SLC8B1: variants seen among roughly 807,000 people sequenced by gnomAD.
The protein encoded by SLC8B1 is mitochondrial sodium/calcium exchanger protein.
In SLC8B1, 52 loss-of-function variants were observed where a neutral mutation model predicts 63.4. The ratio of observed to expected loss-of-function variants is 0.82; its 90% confidence interval spans 0.66 to 1.03. The LOEUF is 1.03. SLC8B1 is among the 50% of genes least tolerant of loss of function. The pLI is 0.00. For synonymous variants in SLC8B1, 336 were observed against 323.9 expected (o/e 1.04, Z -0.40); for missense variants, 657 against 741.7 (o/e 0.89, Z 1.33).
At chr12:113,315,258 C>A in intron 11 of SLC8B1, 77 bp downstream of exon 11, 2 of 1,415,898 alleles carry the variant, frequency 1.4e-6, no homozygotes, top group Non-Finnish European at 1.9e-6. Flanking sequence ...CCACTGTACT[C>A]CAGCCTGGGT....
Position 113,299,796 on chromosome 12 carries a change from A to G in SLC8B1, c.1736T>C (p.Ile579Thr). Residue 579 changes from isoleucine to threonine, a missense_variant, in exon 16 of 16, where the codon ATT becomes ACT. Transcript: ENST00000680972. ...CTTCAGTCACATGCTTTTCAGGTGA[A>G]TCACTCCAAATTCAGTGAGGAGGGC... is the stretch of plus-strand genomic sequence containing the variant. ...VVALLTEFGV[I>T]HLKSM 6.2e-7 allele frequency: 1 copy of G among 1,614,200 alleles called. No individual in the cohort carries two copies. The highest frequency in any genetic ancestry group is 1.3e-5 in the African/African-American group (1 of 75,072).
In SLC8B1 at chr12:113,299,657, C is replaced by T; in HGVS notation, c.*120G>A. The T allele has an allele frequency of 4.4e-6, 4 of 906,542 alleles. No homozygotes were observed. The highest frequency in any genetic ancestry group is 7.0e-6 in the Non-Finnish European group (4 of 573,056). The allele number at this position is 906,542 out of a possible 1,614,324, so 56.2% of individuals were successfully genotyped here. A position where few individuals can be genotyped will look rare whatever the true frequency, so the allele number is the denominator to read the frequency against. ...AGCAGTGACCTCAGATCTCCAGCAG[C>T]AAGGGCCGCACTCTCGTGCCCACAA... On this transcript the variant is annotated 3_prime_UTR_variant, in exon 16 of 16. Coordinates refer to ENST00000680972, the MANE Select transcript of SLC8B1 (RefSeq NM_001358345.2).
At position 113,321,361 on chromosome 12, in the gene SLC8B1, A is replaced by G. The variant is rs370364066; in HGVS notation, c.157-13T>C. 31 of 1,614,036 alleles carry G rather than the reference A, an allele frequency of 1.9e-5. No homozygotes were observed. Among genetic ancestry groups the G allele is most frequent in the Non-Finnish European group, 2.6e-5 (31 of 1,180,006 alleles). ...ACACCTTGCGGCACTGCAGGAAGAC[A>G]GGGAGGGGGACATCAGCGGCAGAGA... On this transcript the variant is annotated splice_polypyrimidine_tract_variant and intron_variant, in intron 2 of 15. Transcript: ENST00000680972.
In SLC8B1 at chr12:113,320,731, C is replaced by A; in HGVS notation, c.421-45G>T. ...GCGGGCCAGGATCGCAGCTGCAGCCCACCCAGGCCTTCGACCCTATCCCCC... is the reference window on the plus strand; with the variant it reads ...GCGGGCCAGGATCGCAGCTGCAGCCAACCCAGGCCTTCGACCCTATCCCCC... On this transcript the variant is annotated intron_variant, in intron 5 of 15. Transcript: ENST00000680972. This position sits in a 1 kb window ranked among gnomAD's most constrained non-coding sequence, Gnocchi z 5.3. The A allele has an allele frequency of 6.3e-7, 1 of 1,595,518 alleles. No homozygotes were observed. The highest frequency in any genetic ancestry group is 2.3e-5 in the East Asian group (1 of 44,198).
chr12:113,330,294 TG>T (rs971462253), intron 2 of SLC8B1, among the ~76,000 whole-genome samples: 1 of 152,150 alleles, frequency 6.6e-6, no homozygotes, highest in Non-Finnish European at 1.5e-5. Flanking sequence ...GGTAAGGGGC[TG>T]GGGGGGCCTT....
chr12:113,320,353 C>A lies in SLC8B1; in HGVS notation c.672G>T (p.Arg224Ser). ...CACCCAGAGCCCATGCCAGGGTGAC[C>A]CTGCCACGGAAGAGCATGAGGAAGG... is the stretch of plus-strand genomic sequence containing the variant. The part of the protein sequence containing the change: ...FLTFLMLFRG[R>S]VTLAWALGYL... The change falls in exon 7 of 16, where the codon AGG becomes AGT. Residue 224 changes from arginine to serine, a missense_variant. Physicochemically the swap from Arg to Ser is moderately radical, Grantham distance 110 (BLOSUM62 -1). Transcript: ENST00000680972. The surrounding 1 kb of genome is among the most constrained non-coding windows in gnomAD (Gnocchi z 5.3). 1 of 1,614,114 alleles carries A rather than the reference C, an allele frequency of 6.2e-7. No individual in the cohort carries two copies. Among genetic ancestry groups the A allele is most frequent in the Non-Finnish European group, 8.5e-7 (1 of 1,180,008 alleles).
chr12:113,319,086 C>T lies in SLC8B1; in HGVS notation c.695-15G>A. 6.3e-7 allele frequency: 1 copy of T among 1,596,878 alleles called. No homozygotes were observed. The highest frequency in any genetic ancestry group is 8.6e-7 in the Non-Finnish European group (1 of 1,164,542). On this transcript the variant is annotated splice_polypyrimidine_tract_variant and intron_variant, in intron 7 of 15. Transcript: ENST00000680972. ...GCCCAGGTAACCTGCAGACGGGGTG[C>T]ACGCCGTCACCAAGTGGTGTCCTGG...
At position 113,320,754 on chromosome 12, in the gene SLC8B1, C is replaced by T. The variant is rs1287267800; in HGVS notation, c.421-68G>A. On this transcript the variant is annotated intron_variant, in intron 5 of 15. Transcript: ENST00000680972. This position sits in a 1 kb window ranked among gnomAD's most constrained non-coding sequence, Gnocchi z 5.3. ...CCCACCCAGGCCTTCGACCCTATCCCCCAGCTTCCCCACACGGGGATAGAC... is the reference window on the plus strand; with the variant it reads ...CCCACCCAGGCCTTCGACCCTATCCTCCAGCTTCCCCACACGGGGATAGAC... The T allele has an allele frequency of 1.1e-5, 17 of 1,580,232 alleles. No individual in the cohort carries two copies. Among genetic ancestry groups the T allele is most frequent in the Non-Finnish European group, 1.3e-5 (15 of 1,162,810 alleles).
chr12:113,329,095 C>T (rs1461293546), intron 2 of SLC8B1, among the ~76,000 whole-genome samples: 5 of 152,132 alleles, frequency 3.3e-5, no homozygotes, highest in African/African-American at 4.8e-5. Context: ...ACTAAAGTCT[C>T]GCACAGTGCC....
Position 113,320,395 on chromosome 12 carries a change from C to G in SLC8B1, c.630G>C (p.Met210Ile). The stretch of plus-strand genomic sequence containing the variant: ...TGAGGAAGGTCAGGAACACAGCCAC[C>G]ATGTAGAAAACGATGTCCCTGAAGA... ...RPFFRDIVFY[M>I]VAVFLTFLML... is the part of the protein sequence containing the mutation. Residue 210 changes from methionine (M) to isoleucine (I), a missense_variant, in exon 7 of 16, where the codon ATG (methionine) becomes ATC (isoleucine). Transcript: ENST00000680972. The surrounding 1 kb of genome is among the most constrained non-coding windows in gnomAD (Gnocchi z 5.3). The G allele has an allele frequency of 6.2e-7, 1 of 1,614,152 alleles. No individual in the cohort carries two copies. The highest frequency in any genetic ancestry group is 1.6e-4 in the Middle Eastern group (1 of 6,062).
In SLC8B1 at chr12:113,320,717, T is replaced by C; in HGVS notation, c.421-31A>G. ...GGGAGCATGTCAAGGCGGGCCAGGA[T>C]CGCAGCTGCAGCCCACCCAGGCCTT... On this transcript the variant is annotated intron_variant, in intron 5 of 15. Transcript: ENST00000680972. The surrounding 1 kb of genome is among the most constrained non-coding windows in gnomAD (Gnocchi z 5.3). The C allele has an allele frequency of 6.2e-7, 1 of 1,604,700 alleles. No homozygotes were observed. Among genetic ancestry groups the C allele is most frequent in the South Asian group, 1.1e-5 (1 of 90,048 alleles).
At chr12:113,325,353 A>G (rs969953260) in intron 2 of SLC8B1, among the ~76,000 whole-genome samples, 2 of 152,200 alleles carry the variant, frequency 1.3e-5, no homozygotes, top group Admixed American at 1.3e-4. Flanking sequence ...TCCTGGGCGC[A>G]TGTGATCCTC....
intron 11 of SLC8B1, among the ~76,000 whole-genome samples, chr12:113,313,463 G>C (rs1329590744): frequency 6.6e-6 from 1 of 152,146 alleles, no homozygotes; most frequent in Non-Finnish European, 1.5e-5. Context: ...AATGTGGCCA[G>C]GCGCAGTGGC....
Position 113,335,063 on chromosome 12 carries a change from TGGCCGCCG to T in SLC8B1, c.-711_-704del, listed in dbSNP as rs1437216498. The T allele has an allele frequency of 6.6e-6, 1 of 152,396 alleles. No homozygotes were observed. Among genetic ancestry groups the T allele is most frequent in the Admixed American group, 6.5e-5 (1 of 15,288 alleles). 9.4% of individuals were successfully genotyped at this position (152,396 alleles called of 1,614,324 possible). ...AGGGCCTCGCAGCCTTCCAGGTCCCTGGCCGCCGGACCGACCTTGCGCCAGCGAAGCCG... is the reference window on the plus strand; with the variant it reads ...AGGGCCTCGCAGCCTTCCAGGTCCCTGACCGACCTTGCGCCAGCGAAGCCG... On this transcript the variant is annotated 5_prime_UTR_variant, in exon 1 of 16. Coordinates refer to ENST00000680972, the MANE Select transcript of SLC8B1 (RefSeq NM_001358345.2).
chr12:113,329,431 A>T (rs548758332), intron 2 of SLC8B1, among the ~76,000 whole-genome samples: 1 of 152,198 alleles, frequency 6.6e-6, no homozygotes, highest in East Asian at 1.9e-4. Flanking sequence ...GCTAGGGAGG[A>T]TGCAGGGAGT....
chr12:113,307,945 A>T (rs1956699065), intron 12 of SLC8B1, 101 bp from the exon 13 acceptor site: 2 of 1,396,472 alleles, frequency 1.4e-6, no homozygotes, highest in African/African-American at 2.9e-5. Flanking sequence ...TATCTACCTC[A>T]TGAGCTTATT....
At chr12:113,321,477 C>A in intron 2 of SLC8B1, 129 bp from the exon 3 acceptor site, 1 of 1,135,228 alleles carries the variant, frequency 8.8e-7, no homozygotes, top group Non-Finnish European at 1.3e-6. Context: ...CTCTGGGTGC[C>A]AACTATGGAT....
chr12:113,302,708 C>G (rs545881660), intron 15 of SLC8B1: 10 of 456,122 alleles, frequency 2.2e-5, no homozygotes, highest in South Asian at 1.2e-4. Context: ...CGTCTCCAAC[C>G]CACAGATGAA....
At chr12:113,311,251 G>A (rs971622224) in intron 11 of SLC8B1, among the ~76,000 whole-genome samples, 13 of 152,158 alleles carry the variant, frequency 8.5e-5, no homozygotes, top group Admixed American at 3.9e-4. Context: ...TGGAGTTCGG[G>A]ACAAACCTGG....
Sources: allele counts gnomAD v4.1 joint callset (sites outside exome capture counted in the v4.1 genomes callset), GRCh38; gene constraint gnomAD v4.1.1; non-coding constraint Gnocchi (gnomAD v3.1); transcripts MANE v1.5; gene names NCBI Gene and HGNC (gene_info 2026-07-23, HGNC 2026-07-21).